Variants in TNXB observed in about 807,000 individuals in gnomAD.
The protein encoded by TNXB is tenascin-X.
In TNXB, 183 loss-of-function variants were observed where a neutral mutation model predicts 340.5. The observed-to-expected ratio is 0.54, with a 90% CI of 0.48 to 0.61. The LOEUF (loss-of-function observed/expected upper bound fraction) is 0.61. TNXB is among the 20% of genes least tolerant of loss of function. TNXB has a pLI of 0.00. For missense variants in TNXB, 4,613 were observed against 5,446.4 expected, an observed-to-expected ratio of 0.85 and a Z score of 4.82; for synonymous variants, 2,121 against 2,314.5, an observed-to-expected ratio of 0.92 and a Z score of 2.40.
rs577225535 is a variant in TNXB at position 32,104,644 on chromosome 6, T to C, written c.-9+4537A>G. 6.6e-5 allele frequency among the ~76,000 whole-genome samples: 10 copies of C among 151,124 alleles called. No homozygotes were observed. In the East Asian group the frequency reaches 1.5e-3, roughly 23 times the overall value. On this transcript the variant is annotated intron_variant, in intron 1 of 43. Coordinates refer to ENST00000644971, the MANE Select transcript of TNXB (RefSeq NM_001365276.2). ...TTGCCTCCTGGCTGCTTTTTTTTTC[T>C]TTTTTTTTGAGACAGGGTCTCACTC... is the stretch of plus-strand genomic sequence containing the variant.
intron 4 of TNXB, 24 bp downstream of exon 4, chr6:32,095,052 C>G: frequency 6.5e-7 from 1 of 1,539,928 alleles, no homozygotes; most frequent in Non-Finnish European, 8.8e-7. Context: ...TCAGTCCCCT[C>G]CTGGAGCCTG....
In TNXB at chr6:32,096,228, A is replaced by T. The variant is rs1303851738; in HGVS notation, c.1625T>A (p.Val542Glu). The T allele has an allele frequency of 1.3e-6, 2 of 1,569,258 alleles. No individual in the cohort carries two copies. The highest frequency in any genetic ancestry group is 1.7e-6 in the Non-Finnish European group (2 of 1,160,996). Residue 542 changes from valine to glutamate, a missense_variant, in exon 3 of 44, where the codon GTG (valine) becomes GAG (glutamate). Physicochemically the swap from Val to Glu is moderately radical, Grantham distance 121 (BLOSUM62 -2). Transcript: ENST00000644971. ...CRGHGLCEDGVCVCDAGYSGE... is the reference protein window; with the variant it reads ...CRGHGLCEDGECVCDAGYSGE... ...TGAGTAGCCTGCGTCACACACGCAC[A>T]CGCCATCCTCGCAAAGGCCGTGCCC...
rs117182156 is a variant in TNXB at position 32,089,371 on chromosome 6, C to T, written c.2367G>A (p.Gly789=). 5.2e-3 allele frequency: 8,334 copies of T among 1,605,796 alleles called. 106 individuals carry two copies. The highest frequency in any genetic ancestry group is 0.037 in the East Asian group (1,656 of 44,798). ...YEIQFIPTTE[G]ASPPFTARVP... ...CCCGTGCTGTGAATGGGGGGCTCGC[C>T]CCCTCTGTCTGTGAGAGAGAGCACC... Residue 789 remains glycine (G), a synonymous_variant, in exon 5 of 44, where the codon GGG becomes GGA. Coordinates refer to ENST00000644971, the MANE Select transcript of TNXB (RefSeq NM_001365276.2). This position sits in a 1 kb window ranked among gnomAD's most constrained non-coding sequence, Gnocchi z 6.2.
chr6:32,104,562 C>G (rs1780883472), intron 1 of TNXB, among the ~76,000 whole-genome samples: 1 of 152,216 alleles, frequency 6.6e-6, no homozygotes, highest in Non-Finnish European at 1.5e-5. Flanking sequence ...TTCCTTCTCT[C>G]CCACTTACCT....
intron 22 of TNXB, among the ~76,000 whole-genome samples, chr6:32,057,404 G>C (rs1562806337): frequency 6.6e-6 from 1 of 152,102 alleles, no homozygotes; most frequent in Non-Finnish European, 1.5e-5. Flanking sequence ...CCCGATCCTA[G>C]TTTGAGCCAC....
rs1351819235 is a variant in TNXB at position 32,060,839 on chromosome 6, A to G, written c.7492+558T>C. Among the ~76,000 whole-genome samples, 2 of 151,976 alleles carry G rather than the reference A, an allele frequency of 1.3e-5. 1 individual carries two copies. Among genetic ancestry groups the G allele is most frequent in the African/African-American group, 4.9e-5 (2 of 41,220 alleles). On this transcript the variant is annotated intron_variant, in intron 21 of 43. Coordinates refer to ENST00000644971, the MANE Select transcript of TNXB (RefSeq NM_001365276.2). The stretch of plus-strand genomic sequence containing the variant: ...TTTTTAGTAGAGATGGGGTTTCACC[A>G]TGTTGGCTAGACTGGTCTGGAACTC...
At chr6:32,066,221 A>G (rs1778327017) in intron 18 of TNXB, among the ~76,000 whole-genome samples, 1 of 152,082 alleles carries the variant, frequency 6.6e-6, no homozygotes, top group African/African-American at 2.4e-5. Context: ...GTGAGACCCC[A>G]TCTCTACAAA....
intron 34 of TNXB, 52 bp from the exon 35 acceptor site, chr6:32,043,944 G>A (rs1438591762): frequency 6.2e-7 from 1 of 1,611,686 alleles, no homozygotes; most frequent in East Asian, 2.2e-5. Flanking sequence ...GGCAGCTGGA[G>A]GGTGGGCAGA....
In TNXB at chr6:32,082,457, T is replaced by A; in HGVS notation, c.3446-131A>T. 1 of 905,532 alleles carries A rather than the reference T, an allele frequency of 1.1e-6. No homozygotes were observed. The highest frequency in any genetic ancestry group is 1.7e-6 in the Non-Finnish European group (1 of 605,500). 56.1% of individuals were successfully genotyped at this position (905,532 alleles called of 1,614,324 possible). On this transcript the variant is annotated intron_variant, in intron 8 of 43. Coordinates refer to ENST00000644971, the MANE Select transcript of TNXB (RefSeq NM_001365276.2). The surrounding 1 kb of genome is among the most constrained non-coding windows in gnomAD (Gnocchi z 5.0). ...CACAAAAGTGCATTTGCTGAGGGAG[T>A]ACAGAGGGACTGAAATCCAGCCAGC...
chr6:32,081,423 G>A lies in TNXB; in HGVS notation c.3987C>T (p.Leu1329=). ...LDPDRKYKMN[L]YGLRGRQRVG... ...CACGCTGCCTGCCACGAAGCCCGTA[G>A]AGGTTCATCTTATACTTCCGGTCGG... is the stretch of plus-strand genomic sequence containing the variant. Residue 1329 remains leucine (L), a synonymous_variant, in exon 10 of 44, where the codon CTC becomes CTT. Coordinates refer to ENST00000644971, the MANE Select transcript of TNXB (RefSeq NM_001365276.2). This position sits in a 1 kb window ranked among gnomAD's most constrained non-coding sequence, Gnocchi z 5.1. The A allele has an allele frequency of 1.3e-6, 2 of 1,561,612 alleles. No individual in the cohort carries two copies. Among genetic ancestry groups the A allele is most frequent in the Non-Finnish European group, 1.7e-6 (2 of 1,152,764 alleles).
rs1358420712 is a variant in TNXB, at chr6:32,060,950, T to C, written c.7492+447A>G. 2.0e-5 allele frequency among the ~76,000 whole-genome samples: 3 copies of C among 151,988 alleles called. 1 individual carries two copies. The highest frequency in any genetic ancestry group is 7.3e-5 in the African/African-American group (3 of 41,222). On this transcript the variant is annotated intron_variant, in intron 21 of 43. Coordinates refer to ENST00000644971, the MANE Select transcript of TNXB (RefSeq NM_001365276.2). ...CACTGTGCCCAGCCTAGGCTCTCTT[T>C]TTTCAATGTAACATTATAAAGTAAG...
In TNXB at chr6:32,097,494, G is replaced by A. The variant is rs751262233; in HGVS notation, c.404-45C>T. 6.4e-7 allele frequency: 1 copy of A among 1,557,790 alleles called. No individual in the cohort carries two copies. Among genetic ancestry groups the A allele is most frequent in the Admixed American group, 1.7e-5 (1 of 57,930 alleles). On this transcript the variant is annotated intron_variant, in intron 2 of 43. Coordinates refer to ENST00000644971, the MANE Select transcript of TNXB (RefSeq NM_001365276.2). The surrounding 1 kb of genome is among the most constrained non-coding windows in gnomAD (Gnocchi z 5.9). ...GCAAGTCTCAGTCTCTCTCCTGGGA[G>A]AGAGGCTGAGCCTATGTAGTGCTCC...
intron 6 of TNXB, 69 bp from the exon 7 acceptor site, chr6:32,086,187 C>G: frequency 7.0e-7 from 1 of 1,424,828 alleles, no homozygotes; most frequent in Non-Finnish European, 9.2e-7. Context: ...CCCCAGTCCC[C>G]AGGTTCTGCC....
chr6:32,099,117 T>C (rs569771678), intron 1 of TNXB, among the ~76,000 whole-genome samples: 1 of 152,266 alleles, frequency 6.6e-6, no homozygotes, highest in African/African-American at 2.4e-5. Context: ...ATCTGACACA[T>C]CAATGTTGAA....
At position 32,072,075 on chromosome 6, in the gene TNXB, C is replaced by G. The variant is rs779261982; in HGVS notation, c.4905G>C (p.Leu1635=). ...ADQREVTIPD[L]EPSRKYKFLL... ...GGAACTTGTACTTGCGGGAGGGTTC[C>G]AGGTCAGGGATAGTGACCTCCCGCT... is the stretch of plus-strand genomic sequence containing the variant. Residue 1635 remains leucine (L), a synonymous_variant, in exon 13 of 44, where the codon CTG becomes CTC. Coordinates refer to ENST00000644971, the MANE Select transcript of TNXB (RefSeq NM_001365276.2). This position sits in a 1 kb window ranked among gnomAD's most constrained non-coding sequence, Gnocchi z 4.4. 4 of 1,612,818 alleles carry G rather than the reference C, an allele frequency of 2.5e-6. No homozygotes were observed. The highest frequency in any genetic ancestry group is 3.4e-6 in the Non-Finnish European group (4 of 1,179,480).
rs774965296 is a variant in TNXB at position 32,072,245 on chromosome 6, G to T, written c.4735C>A (p.Arg1579Ser). The T allele has an allele frequency of 6.2e-7, 1 of 1,610,142 alleles. No individual in the cohort carries two copies. Among genetic ancestry groups the T allele is most frequent in the South Asian group, 1.1e-5 (1 of 90,260 alleles). ...TEASKPPLEP[R>S]LGELTVTDIT... ...TCCGTCACTGTCAGCTCCCCTAGGCGTGGCTCCAGGGGAGGCTTGGAGGCC... is the reference window on the plus strand; with the variant it reads ...TCCGTCACTGTCAGCTCCCCTAGGCTTGGCTCCAGGGGAGGCTTGGAGGCC... Residue 1579 changes from arginine (R) to serine (S), a missense_variant, in exon 13 of 44, where the codon CGC (arginine) becomes AGC (serine). Physicochemically the swap from Arg to Ser is moderately radical, Grantham distance 110. Transcript: ENST00000644971. This position sits in a 1 kb window ranked among gnomAD's most constrained non-coding sequence, Gnocchi z 4.4.
chr6:32,076,411 G>C (rs966037682), intron 11 of TNXB, among the ~76,000 whole-genome samples: 3 of 152,172 alleles, frequency 2.0e-5, no homozygotes, highest in Non-Finnish European at 4.4e-5. Flanking sequence ...TCGTCCTTTT[G>C]CTGCTCTGAT....
chr6:32,089,173 T>C lies in TNXB; in HGVS notation c.2515+50A>G, dbSNP rs781043657. ...CCTCCCGGAGGGCAGATTCCCTCTC[T>C]AGTCCAGATCTCCACTCAGGACACC... is the stretch of plus-strand genomic sequence containing the variant. On this transcript the variant is annotated intron_variant, in intron 5 of 43. Coordinates refer to ENST00000644971, the MANE Select transcript of TNXB (RefSeq NM_001365276.2). The surrounding 1 kb of genome is among the most constrained non-coding windows in gnomAD (Gnocchi z 6.2). The C allele has an allele frequency of 3.8e-6, 6 of 1,568,278 alleles. No individual in the cohort carries two copies. In the Admixed American group the frequency reaches 8.8e-5, roughly 23 times the overall value.
At position 32,082,056 on chromosome 6, in the gene TNXB, AG is replaced by A; in HGVS notation, c.3715del (p.Leu1239SerfsTer29). 6.2e-7 allele frequency: 1 copy of A among 1,606,292 alleles called. No homozygotes were observed. Among genetic ancestry groups the A allele is most frequent in the Non-Finnish European group, 8.5e-7 (1 of 1,176,840 alleles). On this transcript the variant is annotated frameshift_variant, in exon 9 of 44. Coordinates refer to ENST00000644971, the MANE Select transcript of TNXB (RefSeq NM_001365276.2). LOFTEE classifies it high-confidence loss of function. The surrounding 1 kb of genome is among the most constrained non-coding windows in gnomAD (Gnocchi z 5.0). ...GIANKKRYGP[L>X]TADGTTAPER... ...CTCACCAGTGGTGCCATCGGCCGTG[AG>A]GGGGCCATACCGCTTCTTGTTCGCA...
Sources: gnomAD v4.1 joint callset for allele counts (sites outside exome capture counted in the v4.1 genomes callset) on GRCh38, gnomAD v4.1.1 for gene constraint, Gnocchi (gnomAD v3.1) non-coding constraint, MANE v1.5 for transcripts, NCBI Gene and HGNC (gene_info 2026-07-23, HGNC 2026-07-21) for gene names.